FIP1L1: variants seen among roughly 807,000 people sequenced by gnomAD.
The protein encoded by FIP1L1 is factor interacting with PAPOLA and CPSF1, also known as pre-mRNA 3'-end-processing factor FIP1.
A neutral mutation model predicts 84.6 loss-of-function variants in FIP1L1; 21 were observed. The observed-to-expected ratio is 0.25, with a 90% CI of 0.18 to 0.36. The LOEUF is 0.36. FIP1L1 is among the 10% of genes least tolerant of loss of function. The probability of loss-of-function intolerance (pLI) is 1.00; values close to 1 mark genes in which losing one functional copy is unlikely to be tolerated. For synonymous variants in FIP1L1, 263 were observed against 242.3 expected, an observed-to-expected ratio of 1.09 and a Z score of -0.80; for missense variants, 526 against 751.1, an observed-to-expected ratio of 0.70 and a Z score of 3.50.
intron 15 of FIP1L1, among the ~76,000 whole-genome samples, chr4:53,444,590 G>A (rs1773393772): frequency 6.6e-6 from 1 of 152,010 alleles, no homozygotes. Context: ...TAAAAATGCT[G>A]TGCATTGTAC....
chr4:53,436,585 C>A (rs1769304185), intron 13 of FIP1L1, among the ~76,000 whole-genome samples: 1 of 152,040 alleles, frequency 6.6e-6, no homozygotes, highest in Admixed American at 6.6e-5. Flanking sequence ...TGTCCAGCCC[C>A]CACACAGGAC....
intron 11 of FIP1L1, among the ~76,000 whole-genome samples, chr4:53,415,529 G>GTT (rs770097857): frequency 0.55 from 79,281 of 144,474 alleles, 23,048 homozygotes; most frequent in Non-Finnish European, 0.66. Context: ...TTTGTTTTTT[G>GTT]TTTTTTTTTT....
chr4:53,381,477 C>T (rs1440521301), intron 3 of FIP1L1, among the ~76,000 whole-genome samples: 1 of 152,120 alleles, frequency 6.6e-6, no homozygotes, highest in Non-Finnish European at 1.5e-5. Context: ...CTTATTTCAG[C>T]AGGAGGTAAA....
At chr4:53,399,147 G>A (rs2149481069) in intron 9 of FIP1L1, among the ~76,000 whole-genome samples, 1 of 152,218 alleles carries the variant, frequency 6.6e-6, no homozygotes, top group South Asian at 2.1e-4. Flanking sequence ...AGTGAGAAGA[G>A]GTATTAAGAC....
chr4:53,420,392 G>T lies in FIP1L1; in HGVS notation c.924-5480G>T, dbSNP rs1481936457. Among the ~76,000 whole-genome samples the T allele has an allele frequency of 2.2e-5, 3 of 138,846 alleles. No individual in the cohort carries two copies. The East Asian group carries it at 6.3e-4, about 29-fold the overall frequency. The allele number at this position is 138,846 out of a possible 152,430, so 91.1% of individuals were successfully genotyped here. ...TGTGGTGAGCTGAGATCGTGCCATT[G>T]CACTCCAACCTGGGCAACAAGAGTG... On this transcript the variant is annotated intron_variant, in intron 11 of 17. Coordinates refer to ENST00000337488, the MANE Select transcript of FIP1L1 (RefSeq NM_030917.4).
intron 15 of FIP1L1, among the ~76,000 whole-genome samples, chr4:53,449,742 G>T (rs552830717): frequency 5.9e-5 from 9 of 152,076 alleles, no homozygotes; most frequent in Non-Finnish European, 1.3e-4. Context: ...TGGCCTTGTA[G>T]GAAGATTTTA....
chr4:53,430,576 A>G (rs544721930), intron 13 of FIP1L1, among the ~76,000 whole-genome samples: 4 of 152,120 alleles, frequency 2.6e-5, no homozygotes, highest in East Asian at 1.9e-4. Flanking sequence ...ACCTCAAGCA[A>G]TCTGCCCTCC....
intron 13 of FIP1L1, among the ~76,000 whole-genome samples, chr4:53,428,472 A>C (rs1765220391): frequency 6.6e-6 from 1 of 152,228 alleles, no homozygotes; most frequent in African/African-American, 2.4e-5. Context: ...GTATAAATCC[A>C]TACTCAGTTA....
chr4:53,439,992 T>C (rs1348769277), intron 13 of FIP1L1, among the ~76,000 whole-genome samples: 1 of 152,036 alleles, frequency 6.6e-6, no homozygotes, highest in Non-Finnish European at 1.5e-5. Flanking sequence ...CATTCACGTT[T>C]ATGTTAATGT....
At chr4:53,418,708 A>G (rs769827144) in intron 11 of FIP1L1, among the ~76,000 whole-genome samples, 4 of 152,214 alleles carry the variant, frequency 2.6e-5, no homozygotes, top group Non-Finnish European at 5.9e-5. Context: ...TTATGTTCCT[A>G]TATTACAATG....
At position 53,414,985 on chromosome 4, in the gene FIP1L1, G is replaced by A. The variant is rs188477599; in HGVS notation, c.923+263G>A. 4.7e-3 allele frequency among the ~76,000 whole-genome samples: 694 copies of A among 147,858 alleles called. 24 individuals carry two copies. Among genetic ancestry groups the A allele is most frequent in the Admixed American group, 0.039 (577 of 14,898 alleles). ...TGGATGCTCAGTAATTTTTTTTTTCGTTCTCTTGCTGCAGGTTAATTCTTT... is the reference window on the plus strand; with the variant it reads ...TGGATGCTCAGTAATTTTTTTTTTCATTCTCTTGCTGCAGGTTAATTCTTT... On this transcript the variant is annotated intron_variant, in intron 11 of 17. Transcript: ENST00000337488.
intron 9 of FIP1L1, among the ~76,000 whole-genome samples, chr4:53,396,714 A>G (rs1747586411): frequency 6.6e-6 from 1 of 152,160 alleles, no homozygotes; most frequent in Non-Finnish European, 1.5e-5. Flanking sequence ...TACAATTAGA[A>G]TCTTATGCTT....
intron 16 of FIP1L1, among the ~76,000 whole-genome samples, chr4:53,457,926 AC>A (rs1720206321): frequency 6.6e-6 from 1 of 152,138 alleles, no homozygotes; most frequent in Admixed American, 6.6e-5. Flanking sequence ...TCTCAGTTTC[AC>A]CAGTCTGTGT....
chr4:53,407,429 T>A (rs374713989), intron 10 of FIP1L1, among the ~76,000 whole-genome samples: 5 of 152,244 alleles, frequency 3.3e-5, no homozygotes, highest in East Asian at 3.9e-4. Flanking sequence ...TTTACTTCCA[T>A]CTATGTGGTC....
intron 14 of FIP1L1, among the ~76,000 whole-genome samples, chr4:53,443,244 G>A (rs1334336918): frequency 6.6e-6 from 1 of 152,102 alleles, no homozygotes; most frequent in African/African-American, 2.4e-5. Flanking sequence ...CTTCATGGGT[G>A]GCAGTATGGT....
rs545374297 is a variant in FIP1L1, at chr4:53,417,236, T to G, written c.923+2514T>G. ...TATACCTACTTCTCTCTAAAAAAGATGCTCTGGAAACAAAAAAACACCCTT... is the reference window on the plus strand; with the variant it reads ...TATACCTACTTCTCTCTAAAAAAGAGGCTCTGGAAACAAAAAAACACCCTT... On this transcript the variant is annotated intron_variant, in intron 11 of 17. Coordinates refer to ENST00000337488, the MANE Select transcript of FIP1L1 (RefSeq NM_030917.4). 5.9e-5 allele frequency among the ~76,000 whole-genome samples: 9 copies of G among 152,310 alleles called. No individual in the cohort carries two copies. The South Asian group carries it at 1.9e-3, about 32-fold the overall frequency.
intron 5 of FIP1L1, among the ~76,000 whole-genome samples, chr4:53,384,903 T>C (rs1170020150): frequency 6.6e-6 from 1 of 152,224 alleles, no homozygotes; most frequent in Non-Finnish European, 1.5e-5. Context: ...AACCAGTATA[T>C]ACAAAAATAT....
intron 5 of FIP1L1, among the ~76,000 whole-genome samples, chr4:53,385,895 C>G (rs866324271): frequency 9.2e-5 from 14 of 152,000 alleles, no homozygotes; most frequent in Non-Finnish European, 1.8e-4. Context: ...CAAGGTATAT[C>G]CCTTGAAAAC....
At chr4:53,397,168 C>A (rs532828095) in intron 9 of FIP1L1, among the ~76,000 whole-genome samples, 1 of 152,284 alleles carries the variant, frequency 6.6e-6, no homozygotes, top group African/African-American at 2.4e-5. Flanking sequence ...TAAAGAGAAA[C>A]CAGGAAGAAG....
Sources: allele counts gnomAD v4.1 joint callset (sites outside exome capture counted in the v4.1 genomes callset), GRCh38; gene constraint gnomAD v4.1.1; transcripts MANE v1.5; gene names NCBI Gene and HGNC (gene_info 2026-07-23, HGNC 2026-07-21).